The following NRCAM variants were observed in gnomAD, a reference collection of about 807,000 sequenced individuals.
NRCAM encodes neuronal cell adhesion molecule.
In NRCAM, 83 loss-of-function variants were observed where a neutral mutation model predicts 156.5. That is an observed-to-expected ratio of 0.53 (90% CI 0.44 to 0.64). The LOEUF (loss-of-function observed/expected upper bound fraction) is 0.64, where lower values mean the gene tolerates loss of function less well. NRCAM is among the 30% of genes least tolerant of loss of function. NRCAM has a pLI of 0.00. For synonymous variants in NRCAM, 538 were observed against 563.9 expected (o/e 0.95, Z 0.65); for missense variants, 1,417 against 1,597.3 (o/e 0.89, Z 1.92).
chr7:108,206,598 G>A (rs1350318427), intron 13 of NRCAM, among the ~76,000 whole-genome samples: 1 of 152,192 alleles, frequency 6.6e-6, no homozygotes, highest in Non-Finnish European at 1.5e-5. Context: ...GTAGCTGGTG[G>A]TGGGTGGGGT....
intron 22 of NRCAM, 113 bp downstream of exon 22, chr7:108,184,128 A>ATATATT (rs1491201025): frequency 2.2e-6 from 1 of 450,204 alleles, no homozygotes; most frequent in Non-Finnish European, 3.8e-6. Context: ...ATATATATAT[A>ATATATT]TTTTTTTTCC....
At chr7:108,444,891 G>A (rs534977196) in intron 1 of NRCAM, among the ~76,000 whole-genome samples, 64 of 152,196 alleles carry the variant, frequency 4.2e-4, no homozygotes, top group African/African-American at 1.5e-3. Flanking sequence ...ACAGAGTCCA[G>A]GTCAATAATG....
chr7:108,386,746 T>C (rs1385832796), intron 2 of NRCAM, among the ~76,000 whole-genome samples: 1 of 152,166 alleles, frequency 6.6e-6, no homozygotes, highest in Non-Finnish European at 1.5e-5. Context: ...AAAGATACTA[T>C]GAGAAAGTTA....
chr7:108,193,722 C>A (rs929193523), intron 17 of NRCAM, among the ~76,000 whole-genome samples: 1 of 152,196 alleles, frequency 6.6e-6, no homozygotes, highest in Non-Finnish European at 1.5e-5. Context: ...GTTGAGACTT[C>A]GCTGTTCAAG....
At position 108,237,752 on chromosome 7, in the gene NRCAM, A is replaced by T; in HGVS notation, c.124T>A (p.Leu42Met). 6.3e-7 allele frequency: 1 copy of T among 1,593,832 alleles called. No individual in the cohort carries two copies. Among genetic ancestry groups the T allele is most frequent in the South Asian group, 1.2e-5 (1 of 85,836 alleles). The change falls in exon 5 of 33, where the codon TTG becomes ATG. Residue 42 changes from leucine (L) to methionine (M), a missense_variant and splice_region_variant. Physicochemically the swap from Leu to Met is conservative, Grantham distance 15. Transcript: ENST00000379028. ...VPLDPKLLEDLVQPPTITQQS... is the reference protein window; with the variant it reads ...VPLDPKLLEDMVQPPTITQQS... ...TAGTAATTTATAGAAGGACACTTAC[A>T]GTCTTCAAGAAGTTTTGCTTTTTCC...
Position 108,195,753 on chromosome 7 carries a change from C to A in NRCAM, c.1463+8G>T. 6.8e-7 allele frequency: 1 copy of A among 1,471,288 alleles called. No homozygotes were observed. The highest frequency in any genetic ancestry group is 1.7e-5 in the Admixed American group (1 of 59,576). 91.1% of individuals were successfully genotyped at this position (1,471,288 alleles called of 1,614,324 possible). On this transcript the variant is annotated splice_region_variant and intron_variant, in intron 15 of 32. Coordinates refer to ENST00000379028, the MANE Select transcript of NRCAM (RefSeq NM_001037132.4). ...AAGTATTGAAAAACACACAGAGCTG[C>A]TACTTACCACTCGATGGTTGGGAGA...
intron 2 of NRCAM, among the ~76,000 whole-genome samples, chr7:108,352,265 T>C (rs1367605154): frequency 1.3e-5 from 2 of 152,194 alleles, no homozygotes; most frequent in Non-Finnish European, 2.9e-5. Context: ...CACCAGTCCA[T>C]TAAAATAATG....
chr7:108,285,208 C>T (rs186429592), intron 3 of NRCAM, among the ~76,000 whole-genome samples: 48 of 152,018 alleles, frequency 3.2e-4, no homozygotes, highest in Non-Finnish European at 1.3e-4. Flanking sequence ...TCATGTCTTC[C>T]ACATGCCTGC....
chr7:108,396,996 C>G (rs866528525), intron 2 of NRCAM, among the ~76,000 whole-genome samples: 16 of 152,144 alleles, frequency 1.1e-4, no homozygotes, highest in African/African-American at 3.9e-4. Flanking sequence ...ATTGTTGCAT[C>G]TAGATTGATT....
At chr7:108,309,435 T>C (rs540225813) in intron 3 of NRCAM, among the ~76,000 whole-genome samples, 1 of 152,332 alleles carries the variant, frequency 6.6e-6, no homozygotes, top group African/African-American at 2.4e-5. Flanking sequence ...CTTTTAATCT[T>C]CAGCTTCATG....
At chr7:108,157,399 A>T (rs2046166602) in intron 32 of NRCAM, among the ~76,000 whole-genome samples, 1 of 152,140 alleles carries the variant, frequency 6.6e-6, no homozygotes, top group Non-Finnish European at 1.5e-5. Flanking sequence ...CAGTAACCAA[A>T]TACTTGCCAC....
intron 6 of NRCAM, 32 bp from the exon 7 acceptor site, chr7:108,232,554 A>C: frequency 2.0e-6 from 3 of 1,491,100 alleles, no homozygotes; most frequent in Non-Finnish European, 2.7e-6. Context: ...AAGTGTATTA[A>C]TGGTCCAGAA....
intron 3 of NRCAM, among the ~76,000 whole-genome samples, chr7:108,287,473 C>T (rs568579946): frequency 6.6e-6 from 1 of 151,938 alleles, no homozygotes; most frequent in East Asian, 1.9e-4. Context: ...GGAACTCAAA[C>T]AACTCATCAA....
intron 3 of NRCAM, among the ~76,000 whole-genome samples, chr7:108,270,641 G>T (rs2097308873): frequency 6.6e-6 from 1 of 152,172 alleles, no homozygotes; most frequent in Non-Finnish European, 1.5e-5. Flanking sequence ...CAATCCAAGT[G>T]TCCATCAAAG....
At chr7:108,218,297 G>A (rs1218770989) in intron 11 of NRCAM, among the ~76,000 whole-genome samples, 2 of 151,988 alleles carry the variant, frequency 1.3e-5, no homozygotes, top group African/African-American at 4.8e-5. Flanking sequence ...GATGAACCAG[G>A]TACCTCAGCT....
At position 108,226,254 on chromosome 7, in the gene NRCAM, A is replaced by G. The variant is rs1296401118; in HGVS notation, c.675T>C (p.Thr225=). ...TAGGTTGCTTCTGCTGTATGGTTTGAGTATGATTAAATCTAGCATAACAGA... is the reference window on the plus strand; with the variant it reads ...TAGGTTGCTTCTGCTGTATGGTTTGGGTATGATTAAATCTAGCATAACAGA... The part of the protein sequence containing the change: ...DYICYARFNH[T]QTIQQKQPIS... The change falls in exon 9 of 33, where the codon ACT becomes ACC. Residue 225 remains threonine, a synonymous_variant. Transcript: ENST00000379028. 1 of 1,610,582 alleles carries G rather than the reference A, an allele frequency of 6.2e-7. No individual in the cohort carries two copies. Among genetic ancestry groups the G allele is most frequent in the Admixed American group, 1.7e-5 (1 of 59,908 alleles).
chr7:108,260,659 G>T (rs1182564324), intron 3 of NRCAM, among the ~76,000 whole-genome samples: 1 of 152,166 alleles, frequency 6.6e-6, no homozygotes, highest in Non-Finnish European at 1.5e-5. Context: ...GTGGGCATTA[G>T]TGGAGTCTGC....
At chr7:108,215,157 T>A (rs553727423) in intron 11 of NRCAM, among the ~76,000 whole-genome samples, 63 of 152,172 alleles carry the variant, frequency 4.1e-4, no homozygotes, top group South Asian at 6.2e-4. Context: ...CCCTGTTAAT[T>A]TTCTGTCTCA....
At chr7:108,323,965 G>A (rs1381843202) in intron 2 of NRCAM, among the ~76,000 whole-genome samples, 1 of 152,010 alleles carries the variant, frequency 6.6e-6, no homozygotes, top group African/African-American at 2.4e-5. Context: ...GAATCTCTTT[G>A]CCTGTCTTAG....
Sources: gnomAD v4.1 joint callset for allele counts (sites outside exome capture counted in the v4.1 genomes callset) on GRCh38, gnomAD v4.1.1 for gene constraint, MANE v1.5 for transcripts, NCBI Gene and HGNC (gene_info 2026-07-23, HGNC 2026-07-21) for gene names.